SDK2: variants seen among roughly 807,000 people sequenced by gnomAD.
SDK2 encodes the protein protein sidekick-2.
A neutral mutation model predicts 253.9 loss-of-function variants in SDK2; 105 were observed. That is an observed-to-expected ratio of 0.41 (90% CI 0.35 to 0.49). SDK2 has a LOEUF of 0.49. Among genes scored for constraint, SDK2 ranks in the 20% least tolerant of loss-of-function variants. SDK2 has a pLI of 0.06. For missense variants in SDK2, 2,608 were observed against 3,003.0 expected (o/e 0.87, Z 3.07); for synonymous variants, 1,249 against 1,234.9 (o/e 1.01, Z -0.24).
intron 12 of SDK2, among the ~76,000 whole-genome samples, chr17:73,425,021 A>G (rs993662846): frequency 2.0e-5 from 3 of 152,210 alleles, no homozygotes; most frequent in Non-Finnish European, 4.4e-5. Flanking sequence ...GGAGTTTGAG[A>G]CCAGTCTGGC....
chr17:73,457,486 G>T (rs1046393827), intron 3 of SDK2, among the ~76,000 whole-genome samples: 2 of 151,260 alleles, frequency 1.3e-5, no homozygotes, highest in South Asian at 4.2e-4. Context: ...GAGTAGCTGG[G>T]ATTACAGGCA....
rs372370744 is a variant in SDK2, at chr17:73,431,675, G to A, written c.1313-6C>T. 1.3e-6 allele frequency: 2 copies of A among 1,599,782 alleles called. No homozygotes were observed. The highest frequency in any genetic ancestry group is 1.3e-5 in the African/African-American group (1 of 74,542). ...ACTGGCCAAGATGCGCTCCCCTGAG[G>A]GCAAAACAGGGTGGGGGTCAGCCTG... On this transcript the variant is annotated splice_polypyrimidine_tract_variant and splice_region_variant and intron_variant, in intron 10 of 44. Coordinates refer to ENST00000392650, the MANE Select transcript of SDK2 (RefSeq NM_001144952.2). The surrounding 1 kb of genome is among the most constrained non-coding windows in gnomAD (Gnocchi z 5.6).
intron 2 of SDK2, among the ~76,000 whole-genome samples, chr17:73,505,755 C>G (rs2063930515): frequency 6.6e-6 from 1 of 151,978 alleles, no homozygotes; most frequent in African/African-American, 2.4e-5. Flanking sequence ...GCATCAATAG[C>G]TGGACCTCAT....
chr17:73,422,300 T>G lies in SDK2; in HGVS notation c.2032A>C (p.Lys678Gln). 1 of 1,613,748 alleles carries G rather than the reference T, an allele frequency of 6.2e-7. No homozygotes were observed. Among genetic ancestry groups the G allele is most frequent in the Non-Finnish European group, 8.5e-7 (1 of 1,179,818 alleles). Residue 678 changes from lysine to glutamine, a missense_variant, in exon 15 of 45, where the codon AAA becomes CAA. Lys to Gln is a moderately conservative substitution (Grantham distance 53, BLOSUM62 1). Around this residue, in one of 2 missense-constraint regions of SDK2, gnomAD observed 1,505 missense variants for 1,859.1 expected, o/e 0.81. Transcript: ENST00000392650. ...CAGTGCCCTCACCTCTCGGTGTCTTTGCTGAACTGTCCTTTCCCCACGTCG... is the reference window on the plus strand; with the variant it reads ...CAGTGCCCTCACCTCTCGGTGTCTTGGCTGAACTGTCCTTTCCCCACGTCG... ...VNDVGKGQFS[K>Q]DTERVSLPEE...
intron 40 of SDK2, among the ~76,000 whole-genome samples, chr17:73,357,207 ACT>A (rs2062599211): frequency 6.6e-6 from 1 of 152,092 alleles, no homozygotes; most frequent in Non-Finnish European, 1.5e-5. Context: ...AGAATTATTA[ACT>A]CTCTGCTATT....
At chr17:73,390,868 T>C (rs2062922451) in intron 28 of SDK2, among the ~76,000 whole-genome samples, 1 of 152,202 alleles carries the variant, frequency 6.6e-6, no homozygotes, top group African/African-American at 2.4e-5. Flanking sequence ...GATGTGGCAT[T>C]GCTCTAGGGC....
intron 2 of SDK2, among the ~76,000 whole-genome samples, chr17:73,505,288 T>A (rs1301049246): frequency 2.0e-5 from 3 of 152,216 alleles, no homozygotes; most frequent in African/African-American, 7.2e-5. Context: ...AACTCAACCA[T>A]CTGACTTTAG....
At chr17:73,569,483 G>T (rs1400389378) in intron 1 of SDK2, among the ~76,000 whole-genome samples, 2 of 151,864 alleles carry the variant, frequency 1.3e-5, no homozygotes, top group Non-Finnish European at 2.9e-5. Flanking sequence ...CAGGCGTGAG[G>T]CACCGTGCTG....
At chr17:73,367,569 C>G (rs1017593215) in intron 37 of SDK2, among the ~76,000 whole-genome samples, 2 of 151,834 alleles carry the variant, frequency 1.3e-5, no homozygotes, top group African/African-American at 4.8e-5. Context: ...GTAGCACAAT[C>G]TCGGCTCACT....
intron 2 of SDK2, among the ~76,000 whole-genome samples, chr17:73,498,466 C>T (rs776016482): frequency 1.3e-5 from 2 of 152,162 alleles, no homozygotes; most frequent in Non-Finnish European, 2.9e-5. Flanking sequence ...ACTGCCTTTC[C>T]GATTGTCCTC....
intron 1 of SDK2, among the ~76,000 whole-genome samples, chr17:73,528,670 C>T (rs1199554510): frequency 6.6e-6 from 1 of 152,202 alleles, no homozygotes; most frequent in Non-Finnish European, 1.5e-5. Flanking sequence ...GCCTTCCACT[C>T]CTCCATCTCT....
rs1408588477 is a variant in SDK2, at chr17:73,415,795, C to G, written c.2368+16G>C. On this transcript the variant is annotated intron_variant, in intron 17 of 44. Coordinates refer to ENST00000392650, the MANE Select transcript of SDK2 (RefSeq NM_001144952.2). The stretch of plus-strand genomic sequence containing the variant: ...TGAGCCACCGCGCCTGGTCTGAGAC[C>G]ACAGTCTCTACCTACCTCCCTGCAG... 1.3e-6 allele frequency: 2 copies of G among 1,547,890 alleles called. No homozygotes were observed. The highest frequency in any genetic ancestry group is 4.9e-5 in the East Asian group (2 of 40,826).
At chr17:73,495,673 C>T (rs72844183) in intron 2 of SDK2, among the ~76,000 whole-genome samples, 13,455 of 150,080 alleles carry the variant, frequency 0.09, 665 homozygotes, top group Middle Eastern at 0.14. Context: ...TGTGTGCATG[C>T]GTGCTATGTA....
Position 73,352,921 on chromosome 17 carries a change from G to C in SDK2, c.5594-284C>G, listed in dbSNP as rs1295754352. Among the ~76,000 whole-genome samples the C allele has an allele frequency of 6.6e-6, 1 of 152,176 alleles. No homozygotes were observed. The highest frequency in any genetic ancestry group is 1.5e-5 in the Non-Finnish European group (1 of 68,020). On this transcript the variant is annotated intron_variant, in intron 40 of 44. Transcript: ENST00000392650. The surrounding 1 kb of genome is among the most constrained non-coding windows in gnomAD (Gnocchi z 4.1). The stretch of plus-strand genomic sequence containing the variant: ...AGCCTAGCCAACATGGTGAAACCCT[G>C]TCTCTACTAAAAATACAAAAATTAG...
rs915920715 is a variant in SDK2, at chr17:73,541,263, A to G, written c.65-33666T>C. Among the ~76,000 whole-genome samples the G allele has an allele frequency of 6.6e-6, 1 of 152,146 alleles. No homozygotes were observed. The highest frequency in any genetic ancestry group is 6.5e-5 in the Admixed American group (1 of 15,284). ...CAGGGGATGGGCTGCAGTGTGTGGA[A>G]AGAGCTGCCTGCCAGGAGCTCTCCA... On this transcript the variant is annotated intron_variant, in intron 1 of 44. Coordinates refer to ENST00000392650, the MANE Select transcript of SDK2 (RefSeq NM_001144952.2). This position sits in a 1 kb window ranked among gnomAD's most constrained non-coding sequence, Gnocchi z 4.3.
intron 1 of SDK2, among the ~76,000 whole-genome samples, chr17:73,613,201 A>G (rs1386583927): frequency 3.9e-5 from 6 of 152,176 alleles, no homozygotes; most frequent in African/African-American, 1.4e-4. Flanking sequence ...TTTTCCCTGA[A>G]AAAGATCTCC....
At chr17:73,396,802 C>T (rs537804297) in intron 24 of SDK2, among the ~76,000 whole-genome samples, 1 of 152,092 alleles carries the variant, frequency 6.6e-6, no homozygotes, top group Non-Finnish European at 1.5e-5. Flanking sequence ...AGCAGGGAGC[C>T]AGCCTGGGGT....
intron 1 of SDK2, among the ~76,000 whole-genome samples, chr17:73,532,412 A>T (rs1449957849): frequency 6.6e-6 from 1 of 152,200 alleles, no homozygotes; most frequent in East Asian, 1.9e-4. Context: ...AAATTGGATC[A>T]CTTCTTCTGC....
chr17:73,600,854 C>T (rs557040023), intron 1 of SDK2, among the ~76,000 whole-genome samples: 141 of 152,296 alleles, frequency 9.3e-4, no homozygotes, highest in African/African-American at 3.3e-3. Context: ...CTGCTCACTC[C>T]TCTGCATTCC....
Sources: gnomAD v4.1 joint callset for allele counts (sites outside exome capture counted in the v4.1 genomes callset) on GRCh38, gnomAD v4.1.1 for gene constraint, gnomAD v4.1.1 regional missense constraint, Gnocchi (gnomAD v3.1) non-coding constraint, MANE v1.5 for transcripts, NCBI Gene and HGNC (gene_info 2026-07-23, HGNC 2026-07-21) for gene names.